Variants in ADGRL3 observed in about 807,000 individuals in gnomAD.
ADGRL3 encodes the protein calcium-independent alpha-latrotoxin receptor 3.
In ADGRL3, 62 loss-of-function variants were observed where a neutral mutation model predicts 153.5. That is an observed-to-expected ratio of 0.40 (90% CI 0.33 to 0.50). ADGRL3 has a LOEUF of 0.50. Ranked by LOEUF, ADGRL3 falls within the 20% of genes least tolerant of loss-of-function variation. The pLI, the probability that ADGRL3 is intolerant of heterozygous loss-of-function variation, is 0.47. For synonymous variants in ADGRL3, 710 were observed against 672.5 expected (o/e 1.06, Z -0.86); for missense variants, 1,641 against 1,859.4 (o/e 0.88, Z 2.16).
chr4:61,859,015 T>A (rs1186072771), intron 9 of ADGRL3, among the ~76,000 whole-genome samples: 1 of 152,140 alleles, frequency 6.6e-6, no homozygotes, highest in African/African-American at 2.4e-5. Flanking sequence ...GAAAAACAAA[T>A]CCTGAATTGT....
chr4:61,912,842 T>A (rs1398263769), intron 13 of ADGRL3, 85 bp downstream of exon 13: 1 of 1,244,496 alleles, frequency 8.0e-7, no homozygotes, highest in Non-Finnish European at 1.2e-6. Context: ...AGAAAAATGA[T>A]AATGTACCTT....
At chr4:61,629,116 T>C (rs1417707039) in intron 5 of ADGRL3, among the ~76,000 whole-genome samples, 1 of 152,154 alleles carries the variant, frequency 6.6e-6, no homozygotes, top group East Asian at 1.9e-4. Context: ...ATTTGTCATA[T>C]ACAGATGGAG....
At chr4:61,510,863 G>A (rs1488017881) in intron 3 of ADGRL3, among the ~76,000 whole-genome samples, 1 of 152,000 alleles carries the variant, frequency 6.6e-6, no homozygotes, top group Non-Finnish European at 1.5e-5. Context: ...GCAGTATGGC[G>A]ATTCTAGCAA....
intron 13 of ADGRL3, among the ~76,000 whole-genome samples, chr4:61,925,978 A>G (rs770209646): frequency 2.0e-5 from 3 of 152,146 alleles, no homozygotes; most frequent in Non-Finnish European, 4.4e-5. Flanking sequence ...GGGTATACTT[A>G]CGAAAACCTA....
Position 62,032,318 on chromosome 4 carries a change from T to G in ADGRL3, c.3591+708T>G, listed in dbSNP as rs1194208227. 2.0e-5 allele frequency among the ~76,000 whole-genome samples: 3 copies of G among 151,418 alleles called. No homozygotes were observed. In the Admixed American group the frequency reaches 2.0e-4, roughly 10 times the overall value. ...AAGTTAATTTTAAACACTAAATATTTTTATTACTTTTTTTAAAATCCCCAG... is the reference window on the plus strand; with the variant it reads ...AAGTTAATTTTAAACACTAAATATTGTTATTACTTTTTTTAAAATCCCCAG... On this transcript the variant is annotated intron_variant, in intron 23 of 26. Transcript: ENST00000683033.
intron 1 of ADGRL3, among the ~76,000 whole-genome samples, chr4:61,220,307 C>T (rs970832484): frequency 6.6e-6 from 1 of 151,964 alleles, no homozygotes; most frequent in Admixed American, 6.6e-5. Context: ...GGTAATAGGA[C>T]AAGCTCTAAT....
chr4:61,289,385 C>T (rs1002909386), intron 1 of ADGRL3, among the ~76,000 whole-genome samples: 2 of 151,862 alleles, frequency 1.3e-5, no homozygotes, highest in African/African-American at 4.8e-5. Context: ...ATAATTCTAC[C>T]AAACATAAAT....
At chr4:61,491,081 C>CA (rs1301178210) in intron 2 of ADGRL3, among the ~76,000 whole-genome samples, 2 of 151,986 alleles carry the variant, frequency 1.3e-5, no homozygotes, top group Admixed American at 1.3e-4. Context: ...GTGTTATATT[C>CA]AGGGAATTTT....
chr4:62,029,758 C>G (rs1004884841), intron 22 of ADGRL3, among the ~76,000 whole-genome samples: 3 of 150,570 alleles, frequency 2.0e-5, no homozygotes, highest in African/African-American at 7.3e-5. Flanking sequence ...ACCAATTAAC[C>G]CTTGGGCCCA....
At chr4:62,012,017 G>A (rs978331918) in intron 21 of ADGRL3, among the ~76,000 whole-genome samples, 1 of 151,894 alleles carries the variant, frequency 6.6e-6, no homozygotes, top group East Asian at 1.9e-4. Context: ...ATGATTATAT[G>A]TATTAATATA....
At chr4:61,230,458 G>A (rs1398861219) in intron 1 of ADGRL3, among the ~76,000 whole-genome samples, 1 of 152,188 alleles carries the variant, frequency 6.6e-6, no homozygotes, top group Non-Finnish European at 1.5e-5. Flanking sequence ...AAATTGTAAG[G>A]AGAGAAGGAT....
At chr4:61,811,155 A>T (rs1196054146) in intron 8 of ADGRL3, among the ~76,000 whole-genome samples, 1 of 152,148 alleles carries the variant, frequency 6.6e-6, no homozygotes, top group Non-Finnish European at 1.5e-5. Flanking sequence ...TCCAAGAAAA[A>T]TGCACATAAA....
chr4:61,428,842 T>A (rs62305303), intron 2 of ADGRL3, among the ~76,000 whole-genome samples: 1 of 117,968 alleles, frequency 8.5e-6, no homozygotes, highest in Non-Finnish European at 1.8e-5. Context: ...TATCTATCTA[T>A]CTATCTATCT....
At chr4:61,673,036 ATG>A (rs1270211343) in intron 5 of ADGRL3, among the ~76,000 whole-genome samples, 1 of 151,998 alleles carries the variant, frequency 6.6e-6, no homozygotes, top group Non-Finnish European at 1.5e-5. Flanking sequence ...TTGTGATAAC[ATG>A]TATGAACCTG....
At chr4:61,260,104 G>A (rs1023589288) in intron 1 of ADGRL3, among the ~76,000 whole-genome samples, 1 of 152,126 alleles carries the variant, frequency 6.6e-6, no homozygotes, top group East Asian at 1.9e-4. Flanking sequence ...CAAGGTCAGA[G>A]TTGGGAGAGA....
At chr4:61,751,061 A>G (rs906164332) in intron 8 of ADGRL3, among the ~76,000 whole-genome samples, 4 of 152,138 alleles carry the variant, frequency 2.6e-5, no homozygotes, top group African/African-American at 9.6e-5. Context: ...AGATTCTCAT[A>G]GGAGTGAGAA....
intron 13 of ADGRL3, among the ~76,000 whole-genome samples, chr4:61,923,724 G>A (rs1226722094): frequency 1.3e-5 from 2 of 152,080 alleles, no homozygotes; most frequent in African/African-American, 4.8e-5. Context: ...GTCCCACTTA[G>A]TCTGAATAAA....
chr4:61,588,543 T>C (rs1025002477), intron 5 of ADGRL3, among the ~76,000 whole-genome samples: 7 of 151,984 alleles, frequency 4.6e-5, no homozygotes, highest in African/African-American at 1.7e-4. Context: ...ACTTGAAGGG[T>C]AATGAAATAT....
intron 4 of ADGRL3, among the ~76,000 whole-genome samples, chr4:61,547,244 A>G (rs1041966448): frequency 4.0e-5 from 6 of 151,840 alleles, no homozygotes; most frequent in Non-Finnish European, 7.4e-5. Context: ...ATCAGCCACA[A>G]TAATTTTCTG....
Sources: allele counts gnomAD v4.1 joint callset (sites outside exome capture counted in the v4.1 genomes callset), GRCh38; gene constraint gnomAD v4.1.1; transcripts MANE v1.5; gene names NCBI Gene and HGNC (gene_info 2026-07-23, HGNC 2026-07-21).